Variants in DOCK6 observed in about 807,000 individuals in gnomAD.
DOCK6 encodes the protein dedicator of cytokinesis 6.
Under a neutral mutation model 230.3 loss-of-function variants are expected in DOCK6, and 167 were observed. The observed-to-expected ratio is 0.73, with a 90% CI of 0.64 to 0.82. The LOEUF is 0.82. Among genes scored for constraint, DOCK6 ranks in the 40% least tolerant of loss-of-function variants. The pLI is 0.00. For synonymous variants in DOCK6, 1,148 were observed against 1,185.0 expected, an observed-to-expected ratio of 0.97 and a Z score of 0.64; for missense variants, 2,598 against 2,825.8, an observed-to-expected ratio of 0.92 and a Z score of 1.83.
At chr19:11,225,677 G>A (rs1322557698) in intron 24 of DOCK6, among the ~76,000 whole-genome samples, 1 of 151,866 alleles carries the variant, frequency 6.6e-6, no homozygotes, top group African/African-American at 2.4e-5. Flanking sequence ...GGACAACAGA[G>A]CAAGACCGTG....
intron 14 of DOCK6, chr19:11,238,847 C>T (rs2079893481): frequency 6.3e-6 from 1 of 158,008 alleles, no homozygotes; most frequent in African/African-American, 2.4e-5. Flanking sequence ...GTATAATGGG[C>T]ACTTCAGGCC....
At chr19:11,217,774 A>G (rs2147769155) in intron 28 of DOCK6, among the ~76,000 whole-genome samples, 1 of 151,316 alleles carries the variant, frequency 6.6e-6, no homozygotes, top group East Asian at 2.0e-4. Context: ...AAAAAAAAAA[A>G]GAAGTCTTCC....
chr19:11,234,342 G>A (rs1021347799), intron 21 of DOCK6, among the ~76,000 whole-genome samples: 1 of 148,598 alleles, frequency 6.7e-6, no homozygotes, highest in African/African-American at 2.5e-5. Flanking sequence ...CCTGATCTCA[G>A]GTGATCCACT....
chr19:11,261,174 C>A (rs1009760346), intron 1 of DOCK6, among the ~76,000 whole-genome samples: 38 of 152,000 alleles, frequency 2.5e-4, no homozygotes, highest in Non-Finnish European at 1.0e-4. Context: ...TCTTACTGTC[C>A]CCCTCCAGCT....
intron 37 of DOCK6, among the ~76,000 whole-genome samples, chr19:11,209,837 A>C (rs1600858832): frequency 3.7e-5 from 2 of 54,296 alleles, no homozygotes; most frequent in Non-Finnish European, 8.0e-5. Flanking sequence ...TCACCTGTCC[A>C]CCCCCTCACC....
rs755528452 is a variant in DOCK6, at chr19:11,262,479, C to CCCGCCGCCGCCGCCG, written c.-54_-40dup. On this transcript the variant is annotated 5_prime_UTR_variant, in exon 1 of 48. Transcript: ENST00000294618. ...CGCCGCCGCCGCCCCGGGCCCCGGC[C>CCCGCCGCCGCCGCCG]CCGCCGCCGCCGCCGCCTCCCGGTT... 1.8e-6 allele frequency: 2 copies of CCCGCCGCCGCCGCCG among 1,096,444 alleles called. No homozygotes were observed. The highest frequency in any genetic ancestry group is 3.4e-5 in the African/African-American group (2 of 59,478). The allele number at this position is 1,096,444 out of a possible 1,614,324, so 67.9% of individuals were successfully genotyped here. A position where few individuals can be genotyped will look rare whatever the true frequency, so the allele number is the denominator to read the frequency against.
chr19:11,261,048 C>T (rs949485340), intron 1 of DOCK6, among the ~76,000 whole-genome samples: 3 of 151,930 alleles, frequency 2.0e-5, no homozygotes, highest in African/African-American at 4.8e-5. Context: ...CCAGCCATTA[C>T]GCCCCAGCCA....
intron 1 of DOCK6, chr19:11,254,034 T>C: frequency 3.5e-6 from 1 of 288,478 alleles, no homozygotes; most frequent in Non-Finnish European, 6.4e-6. Context: ...GTCCCTGGCC[T>C]CTGCTCCCTC....
rs2079152864 is a variant in DOCK6, at chr19:11,200,599, A to G, written c.5939+117T>C. The G allele has an allele frequency of 2.0e-6, 3 of 1,501,458 alleles. No homozygotes were observed. The highest frequency in any genetic ancestry group is 2.4e-5 in the South Asian group (2 of 82,128). The allele number at this position is 1,501,458 out of a possible 1,614,324, so 93.0% of individuals were successfully genotyped here. On this transcript the variant is annotated intron_variant, in intron 46 of 47. Coordinates refer to ENST00000294618, the MANE Select transcript of DOCK6 (RefSeq NM_020812.4). The surrounding 1 kb of genome is among the most constrained non-coding windows in gnomAD (Gnocchi z 4.3). ...CCGCAATAGGAGGTCAGGTTGGGAGAGTGGACTTAATGGGAATCGGGCAGA... is the reference window on the plus strand; with the variant it reads ...CCGCAATAGGAGGTCAGGTTGGGAGGGTGGACTTAATGGGAATCGGGCAGA...
At position 11,236,525 on chromosome 19, in the gene DOCK6, G is replaced by A. The variant is rs745485137; in HGVS notation, c.2213C>T (p.Ala738Val). 1 of 1,604,328 alleles carries A rather than the reference G, an allele frequency of 6.2e-7. No individual in the cohort carries two copies. Among genetic ancestry groups the A allele is most frequent in the South Asian group, 1.1e-5 (1 of 88,918 alleles). ...FTLVHVLEEG[A>V]FPFRLKDTVL... Reference sequence around the variant, plus strand: ...AGTGTCCTTGAGCCGGAATGGGAAGGCTCCCTCCTCCAGGACGTGCACCAG... The same window carrying A: ...AGTGTCCTTGAGCCGGAATGGGAAGACTCCCTCCTCCAGGACGTGCACCAG... Residue 738 changes from alanine to valine, a missense_variant, in exon 20 of 48, where the codon GCC (alanine) becomes GTC (valine). By Grantham distance (64) the Ala-to-Val change is moderately conservative. Coordinates refer to ENST00000294618, the MANE Select transcript of DOCK6 (RefSeq NM_020812.4). This position sits in a 1 kb window ranked among gnomAD's most constrained non-coding sequence, Gnocchi z 5.2.
rs1259047318 is a variant in DOCK6, at chr19:11,215,370, C to T, written c.4106+17G>A. 1 of 1,611,950 alleles carries T rather than the reference C, an allele frequency of 6.2e-7. No homozygotes were observed. Among genetic ancestry groups the T allele is most frequent in the Non-Finnish European group, 8.5e-7 (1 of 1,178,580 alleles). ...AACTGTTCTGAACTCAGCAGACACCCTCCTGCCCACACCTACTTGTCCACG... is the reference window on the plus strand; with the variant it reads ...AACTGTTCTGAACTCAGCAGACACCTTCCTGCCCACACCTACTTGTCCACG... On this transcript the variant is annotated intron_variant, in intron 32 of 47. Coordinates refer to ENST00000294618, the MANE Select transcript of DOCK6 (RefSeq NM_020812.4).
intron 28 of DOCK6, among the ~76,000 whole-genome samples, chr19:11,218,402 C>G (rs952903412): frequency 2.0e-5 from 3 of 152,234 alleles, no homozygotes; most frequent in Non-Finnish European, 2.9e-5. Flanking sequence ...CCGCCTCGGC[C>G]TCCCAAAGTA....
Position 11,236,697 on chromosome 19 carries a change from G to A in DOCK6, c.2160+96C>T. ...GACCAAAGTCACGTCCAAGGCCTGA[G>A]GCCAGACCTCCCCGGCCATCGGCAA... is the stretch of plus-strand genomic sequence containing the variant. On this transcript the variant is annotated intron_variant, in intron 19 of 47. Transcript: ENST00000294618. This position sits in a 1 kb window ranked among gnomAD's most constrained non-coding sequence, Gnocchi z 5.2. The A allele has an allele frequency of 1.4e-5, 21 of 1,518,400 alleles. No individual in the cohort carries two copies. Among genetic ancestry groups the A allele is most frequent in the South Asian group, 6.0e-5 (5 of 83,104 alleles). 94.1% of individuals were successfully genotyped at this position (1,518,400 alleles called of 1,614,324 possible).
intron 24 of DOCK6, among the ~76,000 whole-genome samples, chr19:11,224,545 G>T (rs1221849745): frequency 6.6e-6 from 1 of 152,270 alleles, no homozygotes; most frequent in Non-Finnish European, 1.5e-5. Flanking sequence ...ACAGACGGGG[G>T]TGACATTTTC....
In DOCK6 at chr19:11,204,204, T is replaced by A. The variant is rs200792145; in HGVS notation, c.5216A>T (p.His1739Leu). The A allele has an allele frequency of 3.5e-4, 551 of 1,554,210 alleles. No homozygotes were observed. Among genetic ancestry groups the A allele is most frequent in the Admixed American group, 1.0e-3 (54 of 51,504 alleles). ...GGGAGGGGGTCCTGGGCCCACCTGG[T>A]GCATGATCTTGGTGAAGGCCTCCTG... ...KLQEAFTKIM[H>L]QSSGWERVFG... Residue 1739 changes from histidine (H) to leucine (L), a missense_variant, in exon 40 of 48, where the codon CAC (histidine) becomes CTC (leucine). By Grantham distance (99) the His-to-Leu change is moderately conservative. Coordinates refer to ENST00000294618, the MANE Select transcript of DOCK6 (RefSeq NM_020812.4).
intron 9 of DOCK6, among the ~76,000 whole-genome samples, chr19:11,244,190 TAG>T (rs1412522091): frequency 3.3e-5 from 5 of 151,142 alleles, no homozygotes; most frequent in African/African-American, 1.2e-4. Context: ...ATGTATTATA[TAG>T]AGACAGGGGT....
In DOCK6 at chr19:11,243,045, G is replaced by T; in HGVS notation, c.1480+14C>A. On this transcript the variant is annotated intron_variant, in intron 13 of 47. Transcript: ENST00000294618. The surrounding 1 kb of genome is among the most constrained non-coding windows in gnomAD (Gnocchi z 6.3). Reference sequence around the variant, plus strand: ...TGAGAGTGATACTTCTTGTGTATGGGGTGTGCCACGCACCAGTCACAGGAC... The same window carrying T: ...TGAGAGTGATACTTCTTGTGTATGGTGTGTGCCACGCACCAGTCACAGGAC... The T allele has an allele frequency of 6.2e-7, 1 of 1,613,296 alleles. No homozygotes were observed. The highest frequency in any genetic ancestry group is 8.5e-7 in the Non-Finnish European group (1 of 1,179,592).
rs574257638 is a variant in DOCK6 at position 11,258,424 on chromosome 19, T to TTCTC, written c.44+3969_44+3972dup. Among the ~76,000 whole-genome samples, 18 of 151,876 alleles carry TTCTC rather than the reference T, an allele frequency of 1.2e-4. No homozygotes were observed. In the South Asian group the frequency reaches 3.7e-3, roughly 32 times the overall value. On this transcript the variant is annotated intron_variant, in intron 1 of 47. Coordinates refer to ENST00000294618, the MANE Select transcript of DOCK6 (RefSeq NM_020812.4). ...TATTCTTTAAACTTCGCACTTTTCT[T>TTCTC]TCTCTCTCTCTCTCTTTTTTTTTTT...
In DOCK6 at chr19:11,253,517, C is replaced by A. The variant is rs2080153061; in HGVS notation, c.132+122G>T. ...CCTCCCCCGACACTGCTGGGTCCCT[C>A]TCGGTTTCCCCCCAGGACAGGCCAC... On this transcript the variant is annotated intron_variant, in intron 2 of 47. Coordinates refer to ENST00000294618, the MANE Select transcript of DOCK6 (RefSeq NM_020812.4). The A allele has an allele frequency of 1.5e-5, 9 of 594,148 alleles. No homozygotes were observed. In the East Asian group the frequency reaches 2.8e-4, roughly 18 times the overall value. 36.8% of individuals were successfully genotyped at this position (594,148 alleles called of 1,614,324 possible). A position where few individuals can be genotyped will look rare whatever the true frequency, so the allele number is the denominator to read the frequency against.
Sources: allele counts gnomAD v4.1 joint callset (sites outside exome capture counted in the v4.1 genomes callset), GRCh38; gene constraint gnomAD v4.1.1; non-coding constraint Gnocchi (gnomAD v3.1); transcripts MANE v1.5; gene names NCBI Gene and HGNC (gene_info 2026-07-23, HGNC 2026-07-21).